PTPRD: variants seen among roughly 807,000 people sequenced by gnomAD.
PTPRD encodes receptor-type tyrosine-protein phosphatase delta.
PTPRD carries 34 observed loss-of-function variants against 214.5 expected under a neutral mutation model. The observed-to-expected ratio is 0.16, with a 90% CI of 0.12 to 0.21. The LOEUF (loss-of-function observed/expected upper bound fraction) is 0.21, where lower values mean the gene tolerates loss of function less well. Among genes scored for constraint, PTPRD ranks in the 10% least tolerant of loss-of-function variants. The probability of loss-of-function intolerance (pLI) is 1.00; values close to 1 mark genes in which losing one functional copy is unlikely to be tolerated. For synonymous variants in PTPRD, 1,128 were observed against 845.7 expected (o/e 1.33, Z -5.79); for missense variants, 2,545 against 2,398.7 (o/e 1.06, Z -1.27).
intron 11 of PTPRD, among the ~76,000 whole-genome samples, chr9:8,852,060 TAA>T (rs35284027): frequency 7.3e-5 from 11 of 150,868 alleles, no homozygotes; most frequent in African/African-American, 1.5e-4. Flanking sequence ...ACTAACGGTT[TAA>T]AAAAAAAAAG....
intron 9 of PTPRD, among the ~76,000 whole-genome samples, chr9:9,369,851 C>T (rs1300609531): frequency 1.3e-5 from 2 of 152,104 alleles, no homozygotes; most frequent in African/African-American, 4.8e-5. Context: ...TTCCCAGAAC[C>T]ATTTATTAAA....
At chr9:9,378,328 A>T (rs540267234) in intron 9 of PTPRD, among the ~76,000 whole-genome samples, 1 of 152,222 alleles carries the variant, frequency 6.6e-6, no homozygotes, top group African/African-American at 2.4e-5. Context: ...TACACATTTA[A>T]GTTTCTCCTT....
rs1053609354 is a variant in PTPRD, at chr9:8,567,334, T to G, written c.353-38555A>C. Among the ~76,000 whole-genome samples the G allele has an allele frequency of 4.1e-4, 63 of 152,214 alleles. 1 individual carries two copies. The highest frequency in any genetic ancestry group is 1.3e-4 in the Non-Finnish European group (9 of 68,032). On this transcript the variant is annotated intron_variant, in intron 14 of 45. Transcript: ENST00000381196. ...TCTCAGACAAATGTTCTTTAAGGCA[T>G]AGCTCAGGAGTCACTTTCTCCAAAA...
intron 10 of PTPRD, among the ~76,000 whole-genome samples, chr9:9,176,562 T>C (rs1371605772): frequency 6.6e-6 from 1 of 152,184 alleles, no homozygotes; most frequent in African/African-American, 2.4e-5. Context: ...TGAAACCTAA[T>C]TGCTAATGTA....
intron 14 of PTPRD, among the ~76,000 whole-genome samples, chr9:8,618,008 T>A (rs2095668467): frequency 6.6e-6 from 1 of 152,130 alleles, no homozygotes; most frequent in South Asian, 2.1e-4. Flanking sequence ...TTGCCATTTC[T>A]TTTTACACCC....
chr9:9,930,276 A>C (rs1195537798), intron 5 of PTPRD, among the ~76,000 whole-genome samples: 1 of 152,196 alleles, frequency 6.6e-6, no homozygotes, highest in Non-Finnish European at 1.5e-5. Flanking sequence ...AATTGGGAAT[A>C]TCGAAGCCAT....
In PTPRD at chr9:10,453,457, C is replaced by T. The variant is rs920150725; in HGVS notation, c.-599-112440G>A. Among the ~76,000 whole-genome samples, 3 of 151,574 alleles carry T rather than the reference C, an allele frequency of 2.0e-5. No homozygotes were observed. The South Asian group carries it at 6.2e-4, about 31-fold the overall frequency. ...AATTCACAACCATGGGATTTCTTTC[C>T]AATTATGTGTATTCTTCAATATCTT... On this transcript the variant is annotated intron_variant, in intron 2 of 45. Coordinates refer to ENST00000381196, the MANE Select transcript of PTPRD (RefSeq NM_002839.4).
intron 3 of PTPRD, among the ~76,000 whole-genome samples, chr9:10,132,912 G>T (rs1462897927): frequency 6.6e-6 from 1 of 151,786 alleles, no homozygotes. Context: ...GGCCTGTATG[G>T]CCAATAGGAT....
chr9:8,625,857 T>C (rs1240192841), intron 14 of PTPRD, among the ~76,000 whole-genome samples: 3 of 151,018 alleles, frequency 2.0e-5, no homozygotes, highest in Non-Finnish European at 4.4e-5. Context: ...TATTCCCCGA[T>C]TGCCCAGTAG....
At chr9:9,698,457 A>T (rs573578798) in intron 7 of PTPRD, among the ~76,000 whole-genome samples, 1 of 152,210 alleles carries the variant, frequency 6.6e-6, no homozygotes, top group Non-Finnish European at 1.5e-5. Flanking sequence ...AAATGCCAAC[A>T]GTATGAGAAG....
intron 9 of PTPRD, among the ~76,000 whole-genome samples, chr9:9,395,767 G>A (rs2067559604): frequency 6.6e-6 from 1 of 151,988 alleles, no homozygotes; most frequent in Non-Finnish European, 1.5e-5. Flanking sequence ...TAGGAATGTG[G>A]TACGAAACCA....
intron 3 of PTPRD, among the ~76,000 whole-genome samples, chr9:10,223,972 T>C (rs1341737423): frequency 6.6e-6 from 1 of 151,656 alleles, no homozygotes; most frequent in Non-Finnish European, 1.5e-5. Flanking sequence ...ACTGCAGAGT[T>C]CTATATAATA....
At chr9:8,339,500 G>C (rs1304109449) in intron 42 of PTPRD, among the ~76,000 whole-genome samples, 1 of 152,084 alleles carries the variant, frequency 6.6e-6, no homozygotes, top group African/African-American at 2.4e-5. Context: ...GAATTGATTT[G>C]TTCCAATCTT....
At chr9:8,835,354 A>G (rs1400618783) in intron 11 of PTPRD, among the ~76,000 whole-genome samples, 4 of 152,326 alleles carry the variant, frequency 2.6e-5, no homozygotes, top group South Asian at 2.1e-4. Flanking sequence ...AAAGAGTTGA[A>G]TAACGCACCC....
intron 7 of PTPRD, among the ~76,000 whole-genome samples, chr9:9,698,160 A>T (rs897125953): frequency 6.6e-6 from 1 of 152,150 alleles, no homozygotes; most frequent in Non-Finnish European, 1.5e-5. Flanking sequence ...CTTACTTTGT[A>T]CACTTCGGAA....
intron 36 of PTPRD, among the ~76,000 whole-genome samples, chr9:8,393,594 A>T (rs2090271504): frequency 6.6e-6 from 1 of 152,160 alleles, no homozygotes. Flanking sequence ...GTTCAAGAAC[A>T]GCTTACCTCT....
In PTPRD at chr9:8,734,802, G is replaced by C. The variant is rs147553307; in HGVS notation, c.-103-856C>G. ...ATTAGTACAATTTAATAAGTGATTA[G>C]CGCCAGGAAGGAAAACCAGATAATG... On this transcript the variant is annotated intron_variant, in intron 11 of 45. Transcript: ENST00000381196. Among the ~76,000 whole-genome samples the C allele has an allele frequency of 1.4e-3, 215 of 152,312 alleles. 1 individual carries two copies. The highest frequency in any genetic ancestry group is 2.4e-3 in the Non-Finnish European group (161 of 68,038).
At chr9:9,488,360 G>A (rs1271958372) in intron 8 of PTPRD, among the ~76,000 whole-genome samples, 1 of 151,976 alleles carries the variant, frequency 6.6e-6, no homozygotes, top group African/African-American at 2.4e-5. Context: ...GGCCTAATTA[G>A]ACCCTTCATT....
intron 5 of PTPRD, among the ~76,000 whole-genome samples, chr9:9,783,399 G>C (rs1003273703): frequency 2.0e-5 from 3 of 152,070 alleles, no homozygotes; most frequent in Admixed American, 1.3e-4. Flanking sequence ...TTCAACAAAA[G>C]CTTTGTTAGC....
Sources: gnomAD v4.1 joint callset for allele counts (sites outside exome capture counted in the v4.1 genomes callset) on GRCh38, gnomAD v4.1.1 for gene constraint, MANE v1.5 for transcripts, NCBI Gene and HGNC (gene_info 2026-07-23, HGNC 2026-07-21) for gene names.